Variants in RXFP1 observed in about 807,000 individuals in gnomAD.
RXFP1 encodes relaxin family peptide receptor 1.
RXFP1 carries 73 observed loss-of-function variants against 89.8 expected under a neutral mutation model. The observed-to-expected ratio is 0.81, with a 90% CI of 0.67 to 0.99. RXFP1 has a LOEUF of 0.99. Ranked by LOEUF, RXFP1 falls within the 50% of genes least tolerant of loss-of-function variation. The pLI, the probability that RXFP1 is intolerant of heterozygous loss-of-function variation, is 0.00. For synonymous variants in RXFP1, 277 were observed against 305.5 expected, an observed-to-expected ratio of 0.91 and a Z score of 0.97; for missense variants, 793 against 895.5, an observed-to-expected ratio of 0.89 and a Z score of 1.46.
chr4:158,623,314 C>G (rs1032947775), intron 9 of RXFP1, among the ~76,000 whole-genome samples: 21 of 144,580 alleles, frequency 1.5e-4, no homozygotes, highest in African/African-American at 5.5e-4. Flanking sequence ...GCCTGACTAA[C>G]ACGGTGAAAC....
At chr4:158,645,663 GGTGTT>G (rs1771390812) in intron 15 of RXFP1, among the ~76,000 whole-genome samples, 1 of 152,054 alleles carries the variant, frequency 6.6e-6, no homozygotes, top group South Asian at 2.1e-4. Flanking sequence ...GTAATGGCAA[GGTGTT>G]ATGTTAAATG....
chr4:158,522,993 C>T (rs1220935358), intron 1 of RXFP1, among the ~76,000 whole-genome samples: 1 of 152,066 alleles, frequency 6.6e-6, no homozygotes, highest in Admixed American at 6.6e-5. Context: ...CTTCCTTTTC[C>T]TCCTTCTTTC....
Position 158,522,027 on chromosome 4 carries a change from T to C in RXFP1, c.49+2T>C. On this transcript the variant is annotated splice_donor_variant, in intron 1 of 17. Coordinates refer to ENST00000307765, the MANE Select transcript of RXFP1 (RefSeq NM_021634.4). LOFTEE classifies it high-confidence loss of function. ...ACATCTTAATTTTTGGAAAATATTG[T>C]AAGTATGCTCAGTATCTAATTTTGT... 2 of 1,562,402 alleles carry C rather than the reference T, an allele frequency of 1.3e-6. No homozygotes were observed. Among genetic ancestry groups the C allele is most frequent in the Non-Finnish European group, 1.8e-6 (2 of 1,134,270 alleles).
At chr4:158,619,573 A>C (rs1442769003) in intron 9 of RXFP1, among the ~76,000 whole-genome samples, 4 of 152,210 alleles carry the variant, frequency 2.6e-5, no homozygotes, top group African/African-American at 9.6e-5. Flanking sequence ...TATCTTTAAC[A>C]GGCTCTTTTT....
intron 1 of RXFP1, among the ~76,000 whole-genome samples, chr4:158,567,421 C>T (rs184285230): frequency 6.6e-6 from 1 of 152,190 alleles, no homozygotes; most frequent in African/African-American, 2.4e-5. Flanking sequence ...GTAAATACAC[C>T]AATCAGCACT....
intron 1 of RXFP1, among the ~76,000 whole-genome samples, chr4:158,555,847 T>A (rs1362425594): frequency 6.6e-6 from 1 of 152,192 alleles, no homozygotes; most frequent in Non-Finnish European, 1.5e-5. Context: ...GTCTTTTCAA[T>A]AAATGGTTCT....
At chr4:158,641,896 A>C (rs948267471) in intron 14 of RXFP1, among the ~76,000 whole-genome samples, 1 of 152,206 alleles carries the variant, frequency 6.6e-6, no homozygotes, top group Non-Finnish European at 1.5e-5. Flanking sequence ...ATACTTAAGA[A>C]ATGCTCAATA....
intron 2 of RXFP1, among the ~76,000 whole-genome samples, chr4:158,577,604 CTTA>C (rs1287905360): frequency 6.6e-6 from 1 of 151,932 alleles, no homozygotes; most frequent in Non-Finnish European, 1.5e-5. Flanking sequence ...TAAGGTATAT[CTTA>C]AACTCCAAAA....
chr4:158,640,309 A>G (rs997874227), intron 14 of RXFP1, among the ~76,000 whole-genome samples: 10 of 152,202 alleles, frequency 6.6e-5, no homozygotes, highest in Admixed American at 5.9e-4. Flanking sequence ...ATTGGTGTAT[A>G]GGGTGTGTTA....
intron 1 of RXFP1, chr4:158,543,845 TA>T: frequency 1.0e-6 from 1 of 985,380 alleles, no homozygotes; most frequent in South Asian, 4.7e-5. Context: ...TAAAATCCAG[TA>T]AGACAGAGTG....
chr4:158,582,198 A>G (rs1432191637), intron 2 of RXFP1, among the ~76,000 whole-genome samples: 3 of 152,198 alleles, frequency 2.0e-5, no homozygotes, highest in African/African-American at 7.2e-5. Flanking sequence ...AGCAGTAGAC[A>G]TGACAATCAT....
At chr4:158,610,094 T>A (rs1478657833) in intron 6 of RXFP1, among the ~76,000 whole-genome samples, 1 of 152,074 alleles carries the variant, frequency 6.6e-6, no homozygotes, top group African/African-American at 2.4e-5. Flanking sequence ...TGAAACCCTG[T>A]CTCTACTAAA....
intron 15 of RXFP1, 170 bp from the exon 16 acceptor site, chr4:158,646,621 C>A: frequency 7.1e-7 from 1 of 1,416,544 alleles, no homozygotes; most frequent in Non-Finnish European, 9.2e-7. Flanking sequence ...CAAAGAGAGT[C>A]TATGAATAGA....
intron 2 of RXFP1, among the ~76,000 whole-genome samples, chr4:158,580,632 A>G (rs1378726200): frequency 6.6e-6 from 1 of 152,094 alleles, no homozygotes; most frequent in East Asian, 1.9e-4. Context: ...AAAGTTTTCT[A>G]TTTCAGCTCC....
At chr4:158,624,849 G>A (rs968226884) in intron 9 of RXFP1, among the ~76,000 whole-genome samples, 1 of 151,976 alleles carries the variant, frequency 6.6e-6, no homozygotes, top group Non-Finnish European at 1.5e-5. Flanking sequence ...AACACAGGAG[G>A]GGGGAAAAAC....
chr4:158,527,564 A>AAAATATAGATAT (rs5741905), intron 1 of RXFP1, among the ~76,000 whole-genome samples: 50 of 98,328 alleles, frequency 5.1e-4, no homozygotes, highest in Non-Finnish European at 8.1e-4. Context: ...AAAAAAAAAA[A>AAAATATAGATAT]ATATATATAT....
At chr4:158,588,100 A>C (rs928277438) in intron 2 of RXFP1, among the ~76,000 whole-genome samples, 1 of 152,168 alleles carries the variant, frequency 6.6e-6, no homozygotes, top group Non-Finnish European at 1.5e-5. Flanking sequence ...GTGATTCCGG[A>C]GCCCAGTAGA....
chr4:158,551,666 C>A (rs542319754), intron 1 of RXFP1, among the ~76,000 whole-genome samples: 27 of 152,276 alleles, frequency 1.8e-4, no homozygotes, highest in African/African-American at 6.5e-4. Context: ...ATAGGCTGGG[C>A]ACTGTGGCTC....
At chr4:158,592,019 T>G (rs2150064279) in intron 2 of RXFP1, among the ~76,000 whole-genome samples, 1 of 152,324 alleles carries the variant, frequency 6.6e-6, no homozygotes, top group East Asian at 1.9e-4. Flanking sequence ...CTCTATCACT[T>G]GCTTGACTGC....
Sources: gnomAD v4.1 joint callset for allele counts (sites outside exome capture counted in the v4.1 genomes callset) on GRCh38, gnomAD v4.1.1 for gene constraint, MANE v1.5 for transcripts, NCBI Gene and HGNC (gene_info 2026-07-23, HGNC 2026-07-21) for gene names.